ASTN2: variants seen among roughly 807,000 people sequenced by gnomAD.
ASTN2 encodes the protein astrotactin-2.
In ASTN2, 54 loss-of-function variants were observed where a neutral mutation model predicts 139.8. The ratio of observed to expected loss-of-function variants is 0.39; its 90% CI spans 0.31 to 0.48. The LOEUF is 0.48. Among genes scored for constraint, ASTN2 ranks in the 20% least tolerant of loss-of-function variants. The probability of loss-of-function intolerance (pLI) is 0.95; values close to 1 mark genes in which losing one functional copy is unlikely to be tolerated. For synonymous variants in ASTN2, 756 were observed against 719.5 expected (o/e 1.05, Z -0.81); for missense variants, 1,565 against 1,725.1 (o/e 0.91, Z 1.64).
chr9:117,245,700 C>G (rs1341846086), intron 2 of ASTN2, among the ~76,000 whole-genome samples: 1 of 152,140 alleles, frequency 6.6e-6, no homozygotes, highest in Non-Finnish European at 1.5e-5. Context: ...CTCATTTGTA[C>G]TACTCACCAT....
At chr9:116,808,154 C>T (rs1831076044) in intron 12 of ASTN2, among the ~76,000 whole-genome samples, 1 of 152,054 alleles carries the variant, frequency 6.6e-6, no homozygotes, top group African/African-American at 2.4e-5. Context: ...AAACCATTAT[C>T]AAAGTCTATA....
chr9:116,548,167 G>A (rs1852186108), intron 19 of ASTN2, among the ~76,000 whole-genome samples: 1 of 152,250 alleles, frequency 6.6e-6, no homozygotes, highest in East Asian at 1.9e-4. Flanking sequence ...TAATGGGGCT[G>A]TGTCTGGGCC....
In ASTN2 at chr9:117,039,759, A is replaced by G. The variant is rs939631811; in HGVS notation, c.1423+60T>C. The G allele has an allele frequency of 1.5e-5, 23 of 1,532,912 alleles. No homozygotes were observed. In the Middle Eastern group the frequency reaches 6.4e-4, roughly 42 times the overall value. The allele number at this position is 1,532,912 out of a possible 1,614,324, so 95.0% of individuals were successfully genotyped here. On this transcript the variant is annotated intron_variant, in intron 6 of 22. Transcript: ENST00000313400. ...GTTTGGCCATACACAGAAACCTTTGACCAGTCAGGGGTGCAAGGTGCTGAG... is the reference window on the plus strand; with the variant it reads ...GTTTGGCCATACACAGAAACCTTTGGCCAGTCAGGGGTGCAAGGTGCTGAG...
Position 116,485,582 on chromosome 9 carries a change from A to G in ASTN2, c.3497+1777T>C, listed in dbSNP as rs190932293. On this transcript the variant is annotated intron_variant, in intron 20 of 22. Transcript: ENST00000313400. ...TGTGTAGAGTTGTGCTCTCAAAGTC[A>G]GTCCCCAGTCCCACCACTCACCATG... Among the ~76,000 whole-genome samples, 5 of 152,304 alleles carry G rather than the reference A, an allele frequency of 3.3e-5. No individual in the cohort carries two copies. The East Asian group carries it at 7.7e-4, about 24-fold the overall frequency.
rs1827976870 is a variant in ASTN2, at chr9:117,067,224, T to A, written c.1277-27259A>T. Among the ~76,000 whole-genome samples, 4 of 104,470 alleles carry A rather than the reference T, an allele frequency of 3.8e-5. 1 individual carries two copies. The South Asian group carries it at 1.5e-3, about 38-fold the overall frequency. The allele number at this position is 104,470 out of a possible 152,430, so 68.5% of individuals were successfully genotyped here. A position where few individuals can be genotyped will look rare whatever the true frequency, so the allele number is the denominator to read the frequency against. ...GGATCCAGTTTCAGCTTTCTACATA[T>A]GGCTAGCCAGTTTTCCCAGCACCAT... On this transcript the variant is annotated intron_variant, in intron 5 of 22. Coordinates refer to ENST00000313400, the MANE Select transcript of ASTN2 (RefSeq NM_001365068.1).
intron 16 of ASTN2, among the ~76,000 whole-genome samples, chr9:116,711,030 A>G (rs72763932): frequency 0.035 from 5,351 of 152,276 alleles, 92 homozygotes; most frequent in African/African-American, 0.041. Flanking sequence ...GGGACTGGAT[A>G]TAGAAGAATG....
At chr9:117,016,625 T>TGTTAC (rs1837696788) in intron 6 of ASTN2, among the ~76,000 whole-genome samples, 1 of 4,968 alleles carries the variant, frequency 2.0e-4, no homozygotes, top group Non-Finnish European at 4.6e-4. Context: ...TCTATCTATC[T>TGTTAC]ATATATATAT....
intron 17 of ASTN2, among the ~76,000 whole-genome samples, chr9:116,639,284 T>C (rs1857218070): frequency 6.6e-6 from 1 of 152,162 alleles, no homozygotes; most frequent in Non-Finnish European, 1.5e-5. Flanking sequence ...AGGATATGAA[T>C]TTATAGCCTG....
chr9:116,877,674 G>A (rs1171061713), intron 10 of ASTN2, among the ~76,000 whole-genome samples: 3 of 152,082 alleles, frequency 2.0e-5, no homozygotes, highest in Admixed American at 6.6e-5. Flanking sequence ...GGTATGGTGA[G>A]GTTTCATCAC....
At chr9:117,092,695 ATC>A (rs1415868897) in intron 5 of ASTN2, among the ~76,000 whole-genome samples, 1 of 152,126 alleles carries the variant, frequency 6.6e-6, no homozygotes, top group African/African-American at 2.4e-5. Context: ...TGGTACTTTT[ATC>A]TCTTTCTTCC....
chr9:116,439,452 G>A (rs1273972165), intron 22 of ASTN2, among the ~76,000 whole-genome samples: 1 of 151,032 alleles, frequency 6.6e-6, no homozygotes, highest in Non-Finnish European at 1.5e-5. Context: ...CGCCCGCCTC[G>A]GCCTCCCAAA....
chr9:116,454,614 C>A (rs557792020), intron 20 of ASTN2, among the ~76,000 whole-genome samples: 2 of 152,092 alleles, frequency 1.3e-5, no homozygotes, highest in African/African-American at 4.8e-5. Context: ...GCACTATTCA[C>A]GATAGCAAAG....
intron 10 of ASTN2, among the ~76,000 whole-genome samples, chr9:116,965,320 C>A (rs879940995): frequency 6.6e-6 from 1 of 152,158 alleles, no homozygotes; most frequent in Non-Finnish European, 1.5e-5. Flanking sequence ...GTTCATGGTC[C>A]TCTCAATTAT....
chr9:116,605,150 A>G (rs1855124675), intron 19 of ASTN2, among the ~76,000 whole-genome samples: 1 of 152,152 alleles, frequency 6.6e-6, no homozygotes, highest in Non-Finnish European at 1.5e-5. Flanking sequence ...GAAAGGATAT[A>G]GGAAGAAAGA....
rs554354626 is a variant in ASTN2 at position 116,514,889 on chromosome 9, T to C, written c.3356-27389A>G. Among the ~76,000 whole-genome samples the C allele has an allele frequency of 4.3e-4, 66 of 152,246 alleles. 1 individual carries two copies. The South Asian group carries it at 0.013, about 31-fold the overall frequency. ...GAGTGATCCGATTTTCCAGGTGCCA[T>C]CTGTCACAGTTTTGCTTGGCTAGGA... On this transcript the variant is annotated intron_variant, in intron 19 of 22. Transcript: ENST00000313400.
intron 16 of ASTN2, among the ~76,000 whole-genome samples, chr9:116,666,420 T>A (rs2131973735): frequency 6.6e-6 from 1 of 152,322 alleles, no homozygotes; most frequent in East Asian, 1.9e-4. Context: ...CATAGTAGTA[T>A]GAACATTTCC....
chr9:117,097,417 A>T (rs1828867498), intron 4 of ASTN2, among the ~76,000 whole-genome samples: 1 of 152,192 alleles, frequency 6.6e-6, no homozygotes, highest in Non-Finnish European at 1.5e-5. Flanking sequence ...TTAGTAAATT[A>T]TTTACTCTAG....
chr9:117,414,695 C>T lies in ASTN2; in HGVS notation c.244G>A (p.Gly82Ser). 5 of 1,256,316 alleles carry T rather than the reference C, an allele frequency of 4.0e-6. No individual in the cohort carries two copies. The highest frequency in any genetic ancestry group is 3.6e-5 in the East Asian group (1 of 28,060). The allele number at this position is 1,256,316 out of a possible 1,614,324, so 77.8% of individuals were successfully genotyped here. ...TLPALRESDI[G>S]WSGARAGAGA... ...GCCCCGGCGCGGGCGCCGCTCCAGC[C>T]GATGTCGCTCTCCCGCAGGGCGGGC... The change falls in exon 1 of 23, where the codon GGC becomes AGC. Residue 82 changes from glycine to serine, a missense_variant. By Grantham distance (56) the Gly-to-Ser change is moderately conservative (BLOSUM62 0). Around this residue, in one of 4 missense-constraint regions of ASTN2, gnomAD observed 596 missense variants for 576.8 expected, o/e 1.03. Transcript: ENST00000313400. The surrounding 1 kb of genome is among the most constrained non-coding windows in gnomAD (Gnocchi z 4.2).
At chr9:117,362,852 G>A (rs956414754) in intron 1 of ASTN2, among the ~76,000 whole-genome samples, 4 of 152,022 alleles carry the variant, frequency 2.6e-5, no homozygotes, top group Admixed American at 1.3e-4. Context: ...TCGTGCCACA[G>A]TAAAAACCCA....
Sources: allele counts gnomAD v4.1 joint callset (sites outside exome capture counted in the v4.1 genomes callset), GRCh38; gene constraint gnomAD v4.1.1; regional missense constraint gnomAD v4.1.1; non-coding constraint Gnocchi (gnomAD v3.1); transcripts MANE v1.5; gene names NCBI Gene and HGNC (gene_info 2026-07-23, HGNC 2026-07-21).